BCLAF1: variants seen among roughly 807,000 people sequenced by gnomAD.
The protein encoded by BCLAF1 is bcl-2-associated transcription factor 1.
BCLAF1 carries 10 observed loss-of-function variants against 99.5 expected under a neutral mutation model. That is an observed-to-expected ratio of 0.10 (90% CI 0.06 to 0.17). The LOEUF (loss-of-function observed/expected upper bound fraction) is 0.17, where lower values mean the gene tolerates loss of function less well. Ranked by LOEUF, BCLAF1 falls within the 10% of genes least tolerant of loss-of-function variation. The pLI is 1.00. For synonymous variants in BCLAF1, 255 were observed against 370.9 expected (o/e 0.69, Z 3.59); for missense variants, 636 against 1,105.8 (o/e 0.58, Z 6.02).
At position 136,258,387 on chromosome 6, in the gene BCLAF1, CAAAAACA is replaced by C. The variant is rs1780587912; in HGVS notation, c.*2716_*2722del. ...TTTCCCAGGGGAGACAAGGGAAAAACAAAAACAAAAACAAAAACAAAAACAAAAACAA... is the reference window on the plus strand; with the variant it reads ...TTTCCCAGGGGAGACAAGGGAAAAACAAAACAAAAACAAAAACAAAAACAA... On this transcript the variant is annotated 3_prime_UTR_variant, in exon 13 of 13. Transcript: ENST00000531224. The C allele has an allele frequency of 5.3e-3, 1 of 190 alleles. No individual in the cohort carries two copies. Among genetic ancestry groups the C allele is most frequent in the Admixed American group, 0.056 (1 of 18 alleles). The allele number at this position is 190 out of a possible 1,614,324, so 0.0% of individuals were successfully genotyped here. A position where few individuals can be genotyped will look rare whatever the true frequency, so the allele number is the denominator to read the frequency against.
chr6:136,275,432 T>G, intron 6 of BCLAF1, 100 bp downstream of exon 6: 1 of 1,176,580 alleles, frequency 8.5e-7, no homozygotes, highest in Non-Finnish European at 1.1e-6. Context: ...GATGTATATT[T>G]GCTAGCCCTG....
chr6:136,267,938 G>C (rs192795044), intron 10 of BCLAF1, among the ~76,000 whole-genome samples: 2 of 151,956 alleles, frequency 1.3e-5, no homozygotes, highest in African/African-American at 2.4e-5. Flanking sequence ...TATTGATCTC[G>C]AAGTCAAGAA....
chr6:136,283,175 T>G (rs1784604424), intron 1 of BCLAF1, among the ~76,000 whole-genome samples: 1 of 66,342 alleles, frequency 1.5e-5, no homozygotes, highest in Non-Finnish European at 2.5e-5. Flanking sequence ...CACGACCCCA[T>G]CTCAAAAAAA....
chr6:136,289,040 C>G (rs1785560820), intron 1 of BCLAF1, among the ~76,000 whole-genome samples: 1 of 152,186 alleles, frequency 6.6e-6, no homozygotes, highest in African/African-American at 2.4e-5. Flanking sequence ...AGCAGGTTGC[C>G]GCGGGTACCG....
chr6:136,278,728 A>G lies in BCLAF1; in HGVS notation c.153T>C (p.Arg51=). Residue 51 remains arginine, a synonymous_variant, in exon 4 of 13, where the codon CGT becomes CGC. Transcript: ENST00000531224. ...CGCGACGATAATCTCTAGAATACAT[A>G]CGATCTCTACTACGAGACCTTGAAT... ...RTYSRSRSRD[R]MYSRDYRRDY... is the part of the protein sequence containing the mutation. The G allele has an allele frequency of 1.2e-6, 2 of 1,606,570 alleles. No homozygotes were observed. The highest frequency in any genetic ancestry group is 2.2e-5 in the South Asian group (2 of 90,438).
chr6:136,284,591 AAT>A (rs1784870547), intron 1 of BCLAF1, among the ~76,000 whole-genome samples: 1 of 152,206 alleles, frequency 6.6e-6, no homozygotes, highest in Non-Finnish European at 1.5e-5. Context: ...TAAATAAAAT[AAT>A]GTCATATTTG....
chr6:136,276,126 C>T lies in BCLAF1; in HGVS notation c.1399G>A (p.Val467Ile), dbSNP rs138888304. ...TTTGTAGTGCTAGGCCTTTCCACTA[C>T]ATATCCAGTCTCTTTAAGTTTATAA... Reference protein sequence around the residue: ...KNYKLKETGYVVERPSTTKDK... With the variant: ...KNYKLKETGYIVERPSTTKDK... The change falls in exon 5 of 13, where the codon GTA (valine) becomes ATA (isoleucine). Residue 467 changes from valine (V) to isoleucine (I), a missense_variant. Val to Ile is a conservative substitution (Grantham distance 29, BLOSUM62 3). Transcript: ENST00000531224. The T allele has an allele frequency of 2.5e-5, 40 of 1,613,038 alleles. No individual in the cohort carries two copies. The highest frequency in any genetic ancestry group is 4.2e-6 in the Non-Finnish European group (5 of 1,179,838).
intron 1 of BCLAF1, among the ~76,000 whole-genome samples, chr6:136,283,622 A>G (rs1001522422): frequency 2.0e-5 from 3 of 152,208 alleles, no homozygotes; most frequent in Non-Finnish European, 4.4e-5. Context: ...AATATACATC[A>G]GCACTCAAAG....
Position 136,259,573 on chromosome 6 carries a change from G to A in BCLAF1, c.*1537C>T, listed in dbSNP as rs1028505821. The A allele has an allele frequency of 6.6e-6, 1 of 151,924 alleles. No homozygotes were observed. Among genetic ancestry groups the A allele is most frequent in the African/African-American group, 2.4e-5 (1 of 41,400 alleles). 9.4% of individuals were successfully genotyped at this position (151,924 alleles called of 1,614,324 possible). Reference sequence around the variant, plus strand: ...AATTTTAGAAAGACATGTTAACGGGGGAAAATCACACAATACTAAGGATCT... The same window carrying A: ...AATTTTAGAAAGACATGTTAACGGGAGAAAATCACACAATACTAAGGATCT... On this transcript the variant is annotated 3_prime_UTR_variant, in exon 13 of 13. Coordinates refer to ENST00000531224, the MANE Select transcript of BCLAF1 (RefSeq NM_014739.3).
At chr6:136,275,766 T>C (rs540328142) in intron 5 of BCLAF1, 65 bp from the exon 6 acceptor site, 4 of 1,560,308 alleles carry the variant, frequency 2.6e-6, no homozygotes, top group South Asian at 1.2e-5. Context: ...AAAAATGGTA[T>C]GTTCAGAAAG....
rs773461356 is a variant in BCLAF1, at chr6:136,257,710, T to C, written c.*3400A>G. ...CTCAAGAGATTGAGTCTAGCCAAATTAATCCCAATGACAATGAAGTTTATT... is the reference window on the plus strand; with the variant it reads ...CTCAAGAGATTGAGTCTAGCCAAATCAATCCCAATGACAATGAAGTTTATT... On this transcript the variant is annotated 3_prime_UTR_variant, in exon 13 of 13. Coordinates refer to ENST00000531224, the MANE Select transcript of BCLAF1 (RefSeq NM_014739.3). The C allele has an allele frequency of 2.6e-5, 4 of 152,140 alleles. No individual in the cohort carries two copies. The highest frequency in any genetic ancestry group is 5.9e-5 in the Non-Finnish European group (4 of 67,976). The allele number at this position is 152,140 out of a possible 1,614,324, so 9.4% of individuals were successfully genotyped here. A position where few individuals can be genotyped will look rare whatever the true frequency, so the allele number is the denominator to read the frequency against.
chr6:136,258,018 CAG>C lies in BCLAF1; in HGVS notation c.*3090_*3091del, dbSNP rs774015755. 7.9e-5 allele frequency: 12 copies of C among 152,094 alleles called. No individual in the cohort carries two copies. Among genetic ancestry groups the C allele is most frequent in the Admixed American group, 2.6e-4 (4 of 15,262 alleles). The allele number at this position is 152,094 out of a possible 1,614,324, so 9.4% of individuals were successfully genotyped here. Reference sequence around the variant, plus strand: ...CTTTACATGCATATGTATGTACACACAGAGTTATTTCTCTCACAGAATTTTTA... The same window carrying C: ...CTTTACATGCATATGTATGTACACACAGTTATTTCTCTCACAGAATTTTTA... On this transcript the variant is annotated 3_prime_UTR_variant, in exon 13 of 13. Transcript: ENST00000531224.
In BCLAF1 at chr6:136,260,087, T is replaced by C. The variant is rs1780780909; in HGVS notation, c.*1023A>G. The C allele has an allele frequency of 6.6e-6, 1 of 151,978 alleles. No homozygotes were observed. Among genetic ancestry groups the C allele is most frequent in the Non-Finnish European group, 1.5e-5 (1 of 67,930 alleles). 9.4% of individuals were successfully genotyped at this position (151,978 alleles called of 1,614,324 possible). On this transcript the variant is annotated 3_prime_UTR_variant, in exon 13 of 13. Coordinates refer to ENST00000531224, the MANE Select transcript of BCLAF1 (RefSeq NM_014739.3). ...TTATTGGTGACATTTGAAAAACAAT[T>C]TTTTTAAAATACTATTAATGAACAG...
At chr6:136,284,537 TAAATACCAACC>T (rs1320271730) in intron 1 of BCLAF1, among the ~76,000 whole-genome samples, 7 of 152,156 alleles carry the variant, frequency 4.6e-5, no homozygotes, top group Non-Finnish European at 1.0e-4. Context: ...ACTAAACATC[TAAATACCAACC>T]ATGTGCCAAG....
At chr6:136,288,165 G>C (rs973482710) in intron 1 of BCLAF1, among the ~76,000 whole-genome samples, 4 of 152,188 alleles carry the variant, frequency 2.6e-5, no homozygotes, top group Non-Finnish European at 5.9e-5. Flanking sequence ...TTAATTATCT[G>C]AATTAAACAA....
chr6:136,283,983 ACT>A (rs911663512), intron 1 of BCLAF1, among the ~76,000 whole-genome samples: 27 of 151,952 alleles, frequency 1.8e-4, no homozygotes, highest in Non-Finnish European at 3.2e-4. Flanking sequence ...AAACTGGAGT[ACT>A]GTCATAAAAC....
intron 2 of BCLAF1, among the ~76,000 whole-genome samples, chr6:136,282,025 T>A (rs1343016813): frequency 6.6e-6 from 1 of 152,216 alleles, no homozygotes; most frequent in Non-Finnish European, 1.5e-5. Context: ...GATTGATATC[T>A]TCTGCTCTAC....
chr6:136,281,536 T>A (rs1352681696), intron 2 of BCLAF1, among the ~76,000 whole-genome samples: 1 of 152,234 alleles, frequency 6.6e-6, no homozygotes, highest in Non-Finnish European at 1.5e-5. Context: ...TGATCGAATT[T>A]ACTTCAAGAT....
intron 1 of BCLAF1, among the ~76,000 whole-genome samples, chr6:136,284,456 G>A (rs951775003): frequency 1.3e-5 from 2 of 152,098 alleles, no homozygotes; most frequent in Admixed American, 6.5e-5. Flanking sequence ...TATAGGAAAT[G>A]TATCTATGTA....
Sources: allele counts gnomAD v4.1 joint callset (sites outside exome capture counted in the v4.1 genomes callset), GRCh38; gene constraint gnomAD v4.1.1; transcripts MANE v1.5; gene names NCBI Gene and HGNC (gene_info 2026-07-23, HGNC 2026-07-21).